DCT: variants seen among roughly 807,000 people sequenced by gnomAD.
The protein encoded by DCT is dopachrome tautomerase, also known as L-dopachrome tautomerase.
Under a neutral mutation model 53.0 loss-of-function variants are expected in DCT, and 47 were observed. The ratio of observed to expected loss-of-function variants is 0.89; its 90% CI spans 0.70 to 1.13. The LOEUF is 1.13. Among genes scored for constraint, DCT ranks in the 50% most tolerant of loss-of-function variants. The probability of loss-of-function intolerance (pLI) is 0.00; values close to 1 mark genes in which losing one functional copy is unlikely to be tolerated. For synonymous variants in DCT, 244 were observed against 237.0 expected (o/e 1.03, Z -0.27); for missense variants, 669 against 637.4 (o/e 1.05, Z -0.53).
At chr13:94,464,930 C>T (rs1378223565) in intron 4 of DCT, among the ~76,000 whole-genome samples, 1 of 152,144 alleles carries the variant, frequency 6.6e-6, no homozygotes, top group African/African-American at 2.4e-5. Context: ...TCAGCCATAC[C>T]AGGCTGTTTC....
chr13:94,481,378 A>C (rs1885437571), upstream of DCT, among the ~76,000 whole-genome samples: 1 of 152,082 alleles, frequency 6.6e-6, no homozygotes. Flanking sequence ...GCAAAATCTC[A>C]GGGGTTTTTG....
the DCT span, among the ~76,000 whole-genome samples, chr13:94,511,113 C>G: frequency 2.0e-5 from 3 of 152,322 alleles, no homozygotes; most frequent in Admixed American, 6.5e-5. Context: ...TTCATGGCAT[C>G]AGTGGACTTG....
the DCT span, among the ~76,000 whole-genome samples, chr13:94,544,559 G>A: frequency 3.3e-5 from 5 of 152,196 alleles, no homozygotes; most frequent in Admixed American, 6.5e-5. Flanking sequence ...AGGGCTGTCT[G>A]TGGGCCCTCG....
the DCT span, among the ~76,000 whole-genome samples, chr13:94,547,069 C>T: frequency 6.6e-6 from 1 of 151,992 alleles, no homozygotes; most frequent in Non-Finnish European, 1.5e-5. Context: ...TCTCAATTTG[C>T]CCGCTTAGCC....
chr13:94,483,565 C>T (rs1312221163), upstream of DCT, among the ~76,000 whole-genome samples: 1 of 151,856 alleles, frequency 6.6e-6, no homozygotes, highest in Admixed American at 6.6e-5. Flanking sequence ...TGCAGTGGTG[C>T]AATCTTGGCT....
At chr13:94,467,826 C>A (rs1418077668) in intron 2 of DCT, 1 of 151,994 alleles carries the variant, frequency 6.6e-6, no homozygotes, top group Non-Finnish European at 1.5e-5. Flanking sequence ...TCATCCTGAC[C>A]CCAATGAAGG....
chr13:94,480,985 GT>G (rs1015875771), upstream of DCT, among the ~76,000 whole-genome samples: 1 of 152,234 alleles, frequency 6.6e-6, no homozygotes, highest in Non-Finnish European at 1.5e-5. Flanking sequence ...GGACTGGCGT[GT>G]GTCAGCCAGG....
intron 5 of DCT, among the ~76,000 whole-genome samples, chr13:94,461,698 T>C (rs1040204937): frequency 6.6e-6 from 1 of 152,130 alleles, no homozygotes; most frequent in African/African-American, 2.4e-5. Context: ...AGCATGGACA[T>C]TGAAAAAACA....
At chr13:94,497,876 A>ATGTGTGTGTGTGTGTGTGTG in the DCT span, among the ~76,000 whole-genome samples, 1 of 151,450 alleles carries the variant, frequency 6.6e-6, no homozygotes, top group African/African-American at 2.4e-5. Flanking sequence ...GGTCACCTAT[A>ATGTGTGTGTGTGTGTGTGTG]TGTGTGTGTG....
At chr13:94,524,547 A>C in the DCT span, among the ~76,000 whole-genome samples, 1 of 152,194 alleles carries the variant, frequency 6.6e-6, no homozygotes. Flanking sequence ...AGCGTGAGCA[A>C]AGCCAGTGAT....
intron 6 of DCT, among the ~76,000 whole-genome samples, chr13:94,447,011 T>C (rs1461131248): frequency 6.6e-6 from 1 of 152,176 alleles, no homozygotes; most frequent in Non-Finnish European, 1.5e-5. Context: ...CATATGAATT[T>C]TGTGGGGGAC....
chr13:94,524,231 C>T, the DCT span, among the ~76,000 whole-genome samples: 1 of 152,216 alleles, frequency 6.6e-6, no homozygotes, highest in Non-Finnish European at 1.5e-5. Context: ...CCAAAACAAG[C>T]TCCTGACAGG....
At chr13:94,543,191 G>A in the DCT span, among the ~76,000 whole-genome samples, 1 of 152,156 alleles carries the variant, frequency 6.6e-6, no homozygotes. Flanking sequence ...CGCAGGGACA[G>A]ATGCTGGTTT....
At chr13:94,464,363 G>A (rs1401012103) in intron 4 of DCT, among the ~76,000 whole-genome samples, 1 of 152,220 alleles carries the variant, frequency 6.6e-6, no homozygotes, top group Non-Finnish European at 1.5e-5. Context: ...TTTGAGGCCG[G>A]GTGAGGTGGC....
intron 6 of DCT, among the ~76,000 whole-genome samples, chr13:94,455,592 G>C (rs1883363553): frequency 6.6e-6 from 1 of 152,172 alleles, no homozygotes; most frequent in South Asian, 2.1e-4. Context: ...TCATGATACA[G>C]GGGCAGAGTT....
the DCT span, among the ~76,000 whole-genome samples, chr13:94,541,346 G>C: frequency 6.6e-6 from 1 of 151,862 alleles, no homozygotes; most frequent in Non-Finnish European, 1.5e-5. Context: ...TCTACTAAAA[G>C]TACAAAAATT....
At chr13:94,498,938 C>G in the DCT span, among the ~76,000 whole-genome samples, 133 of 152,144 alleles carry the variant, frequency 8.7e-4, no homozygotes, top group African/African-American at 3.1e-3. Flanking sequence ...ATTGTAAATG[C>G]GCCAGTCAGC....
intron 5 of DCT, among the ~76,000 whole-genome samples, chr13:94,461,134 G>A (rs1009034499): frequency 1.3e-5 from 2 of 152,212 alleles, no homozygotes; most frequent in Admixed American, 6.5e-5. Flanking sequence ...TATTAAAACA[G>A]ATTGCATTTT....
At chr13:94,476,003 A>G (rs986018441) in intron 1 of DCT, among the ~76,000 whole-genome samples, 2 of 152,076 alleles carry the variant, frequency 1.3e-5, no homozygotes, top group African/African-American at 4.8e-5. Flanking sequence ...CAGCCTGGAG[A>G]TGGGGCCTCA....
Sources: gnomAD v4.1 joint callset for allele counts (sites outside exome capture counted in the v4.1 genomes callset) on GRCh38, gnomAD v4.1.1 for gene constraint, MANE v1.5 for transcripts, NCBI Gene and HGNC (gene_info 2026-07-23, HGNC 2026-07-21) for gene names.